Variants in ASXL2 observed in about 807,000 individuals in gnomAD.
The protein encoded by ASXL2 is ASXL transcriptional regulator 2.
Under a neutral mutation model 122.0 loss-of-function variants are expected in ASXL2, and 23 were observed. The observed-to-expected ratio is 0.19, with a 90% confidence interval of 0.14 to 0.27. The LOEUF (loss-of-function observed/expected upper bound fraction) is 0.27, where lower values mean the gene tolerates loss of function less well. Among genes scored for constraint, ASXL2 ranks in the 10% least tolerant of loss-of-function variants. The probability of loss-of-function intolerance (pLI) is 1.00; values close to 1 mark genes in which losing one functional copy is unlikely to be tolerated. For synonymous variants in ASXL2, 650 were observed against 637.0 expected (o/e 1.02, Z -0.31); for missense variants, 1,518 against 1,713.8 (o/e 0.89, Z 2.02).
At chr2:25,802,449 T>C (rs1285312897) in intron 4 of ASXL2, among the ~76,000 whole-genome samples, 2 of 152,216 alleles carry the variant, frequency 1.3e-5, no homozygotes, top group African/African-American at 2.4e-5. Flanking sequence ...TTAGCTGTTA[T>C]AATTTCCTAA....
chr2:25,772,662 C>T (rs1000572232), intron 5 of ASXL2, among the ~76,000 whole-genome samples: 3 of 123,752 alleles, frequency 2.4e-5, no homozygotes, highest in Non-Finnish European at 4.8e-5. Flanking sequence ...ACCTGGGAGG[C>T]GGAAGTTGTG....
intron 11 of ASXL2, among the ~76,000 whole-genome samples, chr2:25,750,761 T>C (rs758767932): frequency 5.9e-5 from 9 of 152,234 alleles, no homozygotes; most frequent in Non-Finnish European, 1.0e-4. Flanking sequence ...AGTTCAGTAA[T>C]AGTAGTTATT....
At chr2:25,859,182 T>C (rs2089817748) in intron 1 of ASXL2, among the ~76,000 whole-genome samples, 1 of 151,900 alleles carries the variant, frequency 6.6e-6, no homozygotes, top group Non-Finnish European at 1.5e-5. Flanking sequence ...CTCAAGTTGA[T>C]TCTCCTAACC....
rs2089628752 is a variant in ASXL2 at position 25,844,621 on chromosome 2, C to T, written c.140+860G>A. On this transcript the variant is annotated intron_variant, in intron 2 of 12. Transcript: ENST00000435504. Reference sequence around the variant, plus strand: ...AAAACAAAACAAAAAAAAACACACACACACATTGACTATTAAGTATTACTG... The same window carrying T: ...AAAACAAAACAAAAAAAAACACACATACACATTGACTATTAAGTATTACTG... Among the ~76,000 whole-genome samples, 3 of 151,002 alleles carry T rather than the reference C, an allele frequency of 2.0e-5. No homozygotes were observed. In the South Asian group the frequency reaches 6.3e-4, roughly 31 times the overall value.
chr2:25,745,810 A>AT (rs1251636768), intron 12 of ASXL2, among the ~76,000 whole-genome samples: 1 of 150,302 alleles, frequency 6.7e-6, no homozygotes, highest in African/African-American at 2.5e-5. Context: ...CACCCAGCTA[A>AT]TTTTTTTGTA....
Position 25,878,357 on chromosome 2 carries a change from CA to C in ASXL2, c.-136del. 1.2e-6 allele frequency: 1 copy of C among 855,462 alleles called. No homozygotes were observed. Among genetic ancestry groups the C allele is most frequent in the Non-Finnish European group, 1.8e-6 (1 of 550,748 alleles). The allele number at this position is 855,462 out of a possible 1,614,324, so 53.0% of individuals were successfully genotyped here. On this transcript the variant is annotated 5_prime_UTR_variant, in exon 1 of 13. It removes the in-frame stop codon of an upstream open reading frame in the 5' UTR. Transcript: ENST00000435504. Reference sequence around the variant, plus strand: ...AGGGAAGTCAGACCGGGGGGGCACCCAAGCAGAGGAAGCGGCGGGGGTGGTG... The same window carrying C: ...AGGGAAGTCAGACCGGGGGGGCACCCAGCAGAGGAAGCGGCGGGGGTGGTG...
chr2:25,827,051 T>C (rs2089387028), intron 3 of ASXL2, among the ~76,000 whole-genome samples: 1 of 150,294 alleles, frequency 6.7e-6, no homozygotes, highest in Admixed American at 6.7e-5. Context: ...TTGCCCAAGC[T>C]AGTCTCAAAC....
intron 9 of ASXL2, among the ~76,000 whole-genome samples, chr2:25,758,215 G>T (rs1574400109): frequency 6.6e-6 from 1 of 152,208 alleles, no homozygotes; most frequent in South Asian, 2.1e-4. Context: ...CTAGTAGAAA[G>T]ATTATTTTCA....
chr2:25,851,103 G>A (rs1252188659), intron 1 of ASXL2, among the ~76,000 whole-genome samples: 2 of 150,288 alleles, frequency 1.3e-5, no homozygotes, highest in African/African-American at 4.9e-5. Flanking sequence ...CCAACATTGT[G>A]CCACTGCACT....
rs568176846 is a variant in ASXL2 at position 25,833,751 on chromosome 2, T to C, written c.143+1787A>G. On this transcript the variant is annotated intron_variant, in intron 3 of 12. Transcript: ENST00000435504. ...GAACTATGCCCTCCCCTACTGGAAA[T>C]AGTCTTGGTAAGACTGTCCATCAAG... 4.6e-5 allele frequency among the ~76,000 whole-genome samples: 7 copies of C among 151,860 alleles called. No homozygotes were observed. In the East Asian group the frequency reaches 5.8e-4, roughly 13 times the overall value.
intron 1 of ASXL2, among the ~76,000 whole-genome samples, chr2:25,867,976 C>T (rs1368109673): frequency 6.6e-6 from 1 of 152,170 alleles, no homozygotes; most frequent in Non-Finnish European, 1.5e-5. Context: ...GCTTCAACAA[C>T]ACAGATTCAT....
intron 3 of ASXL2, chr2:25,810,493 C>T: frequency 1.3e-6 from 1 of 743,558 alleles, no homozygotes; most frequent in Non-Finnish European, 2.4e-6. Flanking sequence ...CAGCTGGATC[C>T]TATGGTTCAA....
At chr2:25,801,724 C>T (rs532737698) in intron 4 of ASXL2, among the ~76,000 whole-genome samples, 3 of 152,288 alleles carry the variant, frequency 2.0e-5, no homozygotes, top group African/African-American at 7.2e-5. Flanking sequence ...GCTACATATT[C>T]TATTTATTCC....
intron 4 of ASXL2, among the ~76,000 whole-genome samples, chr2:25,803,699 C>T (rs536103958): frequency 3.9e-5 from 6 of 152,298 alleles, no homozygotes; most frequent in Admixed American, 1.3e-4. Flanking sequence ...TGACCTAGAT[C>T]CCTCAAATGT....
chr2:25,850,286 T>C (rs1241171142), intron 1 of ASXL2, among the ~76,000 whole-genome samples: 2 of 152,170 alleles, frequency 1.3e-5, no homozygotes, highest in Non-Finnish European at 2.9e-5. Context: ...TTTTAAACAG[T>C]TGGTTTGTTC....
At position 25,824,963 on chromosome 2, in the gene ASXL2, A is replaced by G. The variant is rs2089359349; in HGVS notation, c.143+10575T>C. Among the ~76,000 whole-genome samples, 3 of 152,326 alleles carry G rather than the reference A, an allele frequency of 2.0e-5. 1 individual carries two copies. Among genetic ancestry groups the G allele is most frequent in the South Asian group, 4.1e-4 (2 of 4,820 alleles). Reference sequence around the variant, plus strand: ...TTTCAAAGTTAAAAGTCTCAGCTTTAGCTTGCTTTGTCTTGTCTATAATCC... The same window carrying G: ...TTTCAAAGTTAAAAGTCTCAGCTTTGGCTTGCTTTGTCTTGTCTATAATCC... On this transcript the variant is annotated intron_variant, in intron 3 of 12. Coordinates refer to ENST00000435504, the MANE Select transcript of ASXL2 (RefSeq NM_018263.6).
chr2:25,790,531 A>C (rs895149990), intron 5 of ASXL2, among the ~76,000 whole-genome samples: 1 of 152,148 alleles, frequency 6.6e-6, no homozygotes, highest in Non-Finnish European at 1.5e-5. Context: ...ATAATCCCTT[A>C]TACTTCTCTA....
rs188133743 is a variant in ASXL2, at chr2:25,740,786, A to G, written c.*1243T>C. ...GACAGCAGTAATCCAAACAAGGGCT[A>G]TATTTTCTAAAACAGGAAAAATGTC... On this transcript the variant is annotated 3_prime_UTR_variant, in exon 13 of 13. Transcript: ENST00000435504. 8 of 199,542 alleles carry G rather than the reference A, an allele frequency of 4.0e-5. No individual in the cohort carries two copies. Among genetic ancestry groups the G allele is most frequent in the East Asian group, 1.6e-4 (2 of 12,760 alleles). The allele number at this position is 199,542 out of a possible 1,614,324, so 12.4% of individuals were successfully genotyped here.
At position 25,832,021 on chromosome 2, in the gene ASXL2, A is replaced by G. The variant is rs1346903923; in HGVS notation, c.143+3517T>C. Among the ~76,000 whole-genome samples the G allele has an allele frequency of 3.9e-5, 6 of 152,354 alleles. No homozygotes were observed. In the East Asian group the frequency reaches 1.2e-3, roughly 29 times the overall value. ...ACAGCTTCAGACTAAGTAAAACTAAAAGTAGTTTACTAAGAGAAGTAGAAC... is the reference window on the plus strand; with the variant it reads ...ACAGCTTCAGACTAAGTAAAACTAAGAGTAGTTTACTAAGAGAAGTAGAAC... On this transcript the variant is annotated intron_variant, in intron 3 of 12. Transcript: ENST00000435504.
Sources: allele counts gnomAD v4.1 joint callset (sites outside exome capture counted in the v4.1 genomes callset), GRCh38; gene constraint gnomAD v4.1.1; transcripts MANE v1.5; gene names NCBI Gene and HGNC (gene_info 2026-07-23, HGNC 2026-07-21).